Variants in SCAPER observed in about 807,000 individuals in gnomAD.
SCAPER encodes the protein S-phase cyclin A associated protein in the ER, also known as S phase cyclin A-associated protein in the endoplasmic reticulum.
Under a neutral mutation model 182.2 loss-of-function variants are expected in SCAPER, and 98 were observed. The observed-to-expected ratio is 0.54, with a 90% CI of 0.46 to 0.64. SCAPER has a LOEUF of 0.64. Ranked by LOEUF, SCAPER falls within the 30% of genes least tolerant of loss-of-function variation. SCAPER has a pLI of 0.00. For synonymous variants in SCAPER, 605 were observed against 564.6 expected (o/e 1.07, Z -1.01); for missense variants, 1,432 against 1,690.0 (o/e 0.85, Z 2.68).
chr15:76,419,326 T>C (rs2045864960), intron 26 of SCAPER, among the ~76,000 whole-genome samples: 1 of 132,222 alleles, frequency 7.6e-6, no homozygotes, highest in South Asian at 2.4e-4. Flanking sequence ...TGAAACTCCG[T>C]CTCAAAAAGA....
intron 27 of SCAPER, among the ~76,000 whole-genome samples, chr15:76,384,678 A>C (rs2043177630): frequency 6.6e-6 from 1 of 152,208 alleles, no homozygotes; most frequent in Non-Finnish European, 1.5e-5. Flanking sequence ...CATGGAAAAG[A>C]CCATTCATGT....
chr15:76,492,315 T>A (rs1432615947), intron 24 of SCAPER, among the ~76,000 whole-genome samples: 1 of 152,306 alleles, frequency 6.6e-6, no homozygotes, highest in South Asian at 2.1e-4. Flanking sequence ...TCCTAGTTCA[T>A]CTCCACAGAA....
intron 2 of SCAPER, among the ~76,000 whole-genome samples, chr15:76,870,078 A>G (rs1231637041): frequency 6.6e-6 from 1 of 152,132 alleles, no homozygotes; most frequent in Non-Finnish European, 1.5e-5. Flanking sequence ...ACTGGTAGTT[A>G]CCCAAGGCCA....
At chr15:76,357,771 A>C (rs1046781099) in intron 29 of SCAPER, among the ~76,000 whole-genome samples, 5 of 152,238 alleles carry the variant, frequency 3.3e-5, no homozygotes, top group Non-Finnish European at 7.3e-5. Flanking sequence ...TCAGCCATAA[A>C]AAAAATGAAA....
intron 5 of SCAPER, among the ~76,000 whole-genome samples, chr15:76,823,917 AACT>A (rs1015259853): frequency 4.6e-5 from 7 of 152,176 alleles, no homozygotes; most frequent in African/African-American, 1.7e-4. Flanking sequence ...AAAAAAAAAA[AACT>A]AACTAACTCT....
At chr15:76,601,536 T>C (rs2049933048) in intron 22 of SCAPER, among the ~76,000 whole-genome samples, 1 of 121,942 alleles carries the variant, frequency 8.2e-6, no homozygotes, top group South Asian at 2.5e-4. Context: ...CTTAAATGTA[T>C]AGTAGGCTAC....
At chr15:76,755,536 T>C (rs1180788525) in intron 14 of SCAPER, among the ~76,000 whole-genome samples, 2 of 152,212 alleles carry the variant, frequency 1.3e-5, no homozygotes, top group African/African-American at 2.4e-5. Flanking sequence ...AATTACAATA[T>C]AGTGGCCATA....
At chr15:76,567,327 T>C (rs1450840332) in intron 23 of SCAPER, 1 of 454,786 alleles carries the variant, frequency 2.2e-6, no homozygotes, top group Non-Finnish European at 4.4e-6. Flanking sequence ...TATGTGGTGA[T>C]TATAAACAAT....
At chr15:76,482,838 T>C (rs1161837057) in intron 24 of SCAPER, among the ~76,000 whole-genome samples, 1 of 152,052 alleles carries the variant, frequency 6.6e-6, no homozygotes, top group Non-Finnish European at 1.5e-5. Context: ...ACTATAAAAC[T>C]CTGATGGATG....
rs114267904 is a variant in SCAPER, at chr15:76,496,858, C to A, written c.2954+8001G>T. On this transcript the variant is annotated intron_variant, in intron 24 of 31. Coordinates refer to ENST00000563290, the MANE Select transcript of SCAPER (RefSeq NM_020843.4). ...CAAAGTCAAATATTTTCAAGCCAAT[C>A]TAGTGTTAAAATAATCTTTACTATA... 8.1e-3 allele frequency among the ~76,000 whole-genome samples: 1,239 copies of A among 152,218 alleles called. 13 individuals carry two copies. Among genetic ancestry groups the A allele is most frequent in the African/African-American group, 0.028 (1,175 of 41,510 alleles).
At chr15:76,811,032 C>A (rs1277995474) in intron 5 of SCAPER, among the ~76,000 whole-genome samples, 1 of 145,414 alleles carries the variant, frequency 6.9e-6, no homozygotes. Context: ...AATAATAAAG[C>A]AAATACTGAT....
chr15:76,532,924 T>G (rs1195175364), intron 23 of SCAPER, among the ~76,000 whole-genome samples: 4 of 152,222 alleles, frequency 2.6e-5, no homozygotes, highest in African/African-American at 9.7e-5. Context: ...TCAAATAATT[T>G]AACACTTATT....
rs114258651 is a variant in SCAPER at position 76,529,811 on chromosome 15, C to T, written c.2839-24837G>A. 1.6e-3 allele frequency among the ~76,000 whole-genome samples: 241 copies of T among 152,280 alleles called. 1 individual carries two copies. The highest frequency in any genetic ancestry group is 5.3e-3 in the African/African-American group (222 of 41,546). ...AGAATAGGTCATACATGCAAAGAGTCGGGCAAATCTAGAGCTTTCTAGGTG... is the reference window on the plus strand; with the variant it reads ...AGAATAGGTCATACATGCAAAGAGTTGGGCAAATCTAGAGCTTTCTAGGTG... On this transcript the variant is annotated intron_variant, in intron 23 of 31. Coordinates refer to ENST00000563290, the MANE Select transcript of SCAPER (RefSeq NM_020843.4).
chr15:76,748,240 T>C (rs1304827544), intron 15 of SCAPER, among the ~76,000 whole-genome samples: 1 of 152,082 alleles, frequency 6.6e-6, no homozygotes, highest in Non-Finnish European at 1.5e-5. Flanking sequence ...TCTGCCCACC[T>C]CGGCCTCCCA....
chr15:76,426,811 TA>T (rs2046467875), intron 26 of SCAPER, among the ~76,000 whole-genome samples: 1 of 152,136 alleles, frequency 6.6e-6, no homozygotes, highest in South Asian at 2.1e-4. Flanking sequence ...TTAATTGACT[TA>T]AAAATGTAGT....
intron 15 of SCAPER, among the ~76,000 whole-genome samples, chr15:76,751,060 C>CA (rs1292308416): frequency 1.3e-5 from 2 of 151,482 alleles, no homozygotes; most frequent in South Asian, 2.1e-4. Flanking sequence ...AGTCAACACA[C>CA]AAAAATCAAT....
chr15:76,390,598 GCTC>G (rs1375029154), intron 27 of SCAPER, among the ~76,000 whole-genome samples: 2 of 152,184 alleles, frequency 1.3e-5, no homozygotes, highest in African/African-American at 4.8e-5. Context: ...AACAAGATAT[GCTC>G]CTAGATCTTG....
chr15:76,394,461 G>A (rs191152616), intron 27 of SCAPER, among the ~76,000 whole-genome samples: 44 of 152,272 alleles, frequency 2.9e-4, no homozygotes, highest in African/African-American at 8.4e-4. Flanking sequence ...GAGATGATGA[G>A]GTTTGGAGCT....
At position 76,703,133 on chromosome 15, in the gene SCAPER, G is replaced by C. The variant is rs566496237; in HGVS notation, c.2248-131C>G. The C allele has an allele frequency of 1.5e-5, 15 of 969,210 alleles. No homozygotes were observed. The Admixed American group carries it at 1.6e-4, about 10-fold the overall frequency. The allele number at this position is 969,210 out of a possible 1,614,324, so 60.0% of individuals were successfully genotyped here. ...TTTCTATGACAACTTACACACTGAA[G>C]ACAAAGCTTTACACAAAGCCCTTTA... On this transcript the variant is annotated intron_variant, in intron 18 of 31. Transcript: ENST00000563290.
Sources: gnomAD v4.1 joint callset for allele counts (sites outside exome capture counted in the v4.1 genomes callset) on GRCh38, gnomAD v4.1.1 for gene constraint, MANE v1.5 for transcripts, NCBI Gene and HGNC (gene_info 2026-07-23, HGNC 2026-07-21) for gene names.